HAO2: variants seen among roughly 807,000 people sequenced by gnomAD.
HAO2 encodes hydroxyacid oxidase 2, also known as 2-Hydroxyacid oxidase 2.
HAO2 carries 42 observed loss-of-function variants against 37.4 expected under a neutral mutation model. That is an observed-to-expected ratio of 1.12 (90% CI 0.88 to 1.45). The LOEUF (loss-of-function observed/expected upper bound fraction) is 1.45. Among genes scored for constraint, HAO2 ranks in the 40% most tolerant of loss-of-function variants. The pLI is 0.00. For synonymous variants in HAO2, 180 were observed against 162.8 expected, an observed-to-expected ratio of 1.11 and a Z score of -0.81; for missense variants, 476 against 430.2, an observed-to-expected ratio of 1.11 and a Z score of -0.94.
At chr1:119,389,177 T>TA in intron 5 of HAO2, among the ~76,000 whole-genome samples, 1 of 100,186 alleles carries the variant, frequency 1.0e-5, no homozygotes, top group African/African-American at 3.8e-5. Context: ...TACACCACAG[T>TA]TTCTTTATCC....
At chr1:119,376,869 C>T (rs1407419223) in intron 1 of HAO2, among the ~76,000 whole-genome samples, 3 of 152,180 alleles carry the variant, frequency 2.0e-5, no homozygotes, top group Non-Finnish European at 4.4e-5. Flanking sequence ...CAGCAAGGCC[C>T]TGGTGCCCTG....
intron 5 of HAO2, 80 bp from the exon 6 acceptor site, chr1:119,392,030 T>A (rs1459014199): frequency 7.6e-7 from 1 of 1,319,906 alleles, no homozygotes; most frequent in African/African-American, 1.5e-5. Flanking sequence ...TCAGCTTGGT[T>A]TTCCTGGTCA....
rs1400358893 is a variant in HAO2, at chr1:119,394,039, C to A, written c.*199C>A. 2.2e-6 allele frequency: 3 copies of A among 1,389,816 alleles called. No homozygotes were observed. Among genetic ancestry groups the A allele is most frequent in the Non-Finnish European group, 1.9e-6 (2 of 1,066,688 alleles). The allele number at this position is 1,389,816 out of a possible 1,614,324, so 86.1% of individuals were successfully genotyped here. On this transcript the variant is annotated 3_prime_UTR_variant, in exon 8 of 8. Transcript: ENST00000325945. ...TGTTCCCCAAATGTTCCATGCCCTT[C>A]TTTGTATCACTGACTATTATATGTT...
At chr1:119,370,684 C>T (rs1172115703) in intron 1 of HAO2, among the ~76,000 whole-genome samples, 2 of 152,188 alleles carry the variant, frequency 1.3e-5, no homozygotes, top group Admixed American at 1.3e-4. Context: ...CTTCTCTACT[C>T]CACTGACTCC....
chr1:119,384,039 G>A (rs1164076079), intron 3 of HAO2, among the ~76,000 whole-genome samples: 1 of 152,130 alleles, frequency 6.6e-6, no homozygotes, highest in Non-Finnish European at 1.5e-5. Context: ...CAAATTCTCT[G>A]CCCATGAGTT....
chr1:119,371,834 C>A (rs1649046476), intron 1 of HAO2, among the ~76,000 whole-genome samples: 1 of 152,160 alleles, frequency 6.6e-6, no homozygotes, highest in Non-Finnish European at 1.5e-5. Flanking sequence ...TATTAAGGAA[C>A]CATCATGCTG....
chr1:119,369,627 C>G (rs2101153791), intron 1 of HAO2, among the ~76,000 whole-genome samples: 1 of 152,274 alleles, frequency 6.6e-6, no homozygotes, highest in East Asian at 1.9e-4. Flanking sequence ...CACAAGATCC[C>G]TATGAGATAG....
At chr1:119,393,207 C>T (rs587677134) in intron 7 of HAO2, among the ~76,000 whole-genome samples, 73 of 152,266 alleles carry the variant, frequency 4.8e-4, no homozygotes, top group African/African-American at 1.6e-3. Context: ...CTCAAGCCCA[C>T]AACTCCCCAG....
chr1:119,376,217 G>A (rs1649454938), intron 1 of HAO2, among the ~76,000 whole-genome samples: 1 of 152,152 alleles, frequency 6.6e-6, no homozygotes, highest in Admixed American at 6.5e-5. Context: ...CATTCCAAAT[G>A]GGAGAAATTA....
intron 3 of HAO2, among the ~76,000 whole-genome samples, chr1:119,383,627 A>G (rs765473406): frequency 1.3e-5 from 2 of 152,060 alleles, no homozygotes; most frequent in Admixed American, 1.3e-4. Flanking sequence ...TTCTCATCCC[A>G]CATTCTCCAC....
rs116678357 is a variant in HAO2 at position 119,376,694 on chromosome 1, T to A, written c.-8-4384T>A. 8.6e-3 allele frequency among the ~76,000 whole-genome samples: 1,308 copies of A among 152,322 alleles called. 20 individuals carry two copies. The highest frequency in any genetic ancestry group is 0.029 in the African/African-American group (1,217 of 41,570). On this transcript the variant is annotated intron_variant, in intron 1 of 7. Coordinates refer to ENST00000325945, the MANE Select transcript of HAO2 (RefSeq NM_016527.4). ...CATCCTCTGAAATCTAGGCAGAACT[T>A]CCCAAATCTCAGTTCTTATCTTCTG...
At chr1:119,372,430 T>C (rs1649109524) in intron 1 of HAO2, among the ~76,000 whole-genome samples, 1 of 152,212 alleles carries the variant, frequency 6.6e-6, no homozygotes, top group Non-Finnish European at 1.5e-5. Context: ...CATAAGGGAC[T>C]ACATAGCACA....
At chr1:119,371,003 A>C (rs1243892576) in intron 1 of HAO2, among the ~76,000 whole-genome samples, 1 of 152,180 alleles carries the variant, frequency 6.6e-6, no homozygotes, top group African/African-American at 2.4e-5. Context: ...TGCACATTCT[A>C]TCCTTGTTGA....
At chr1:119,369,448 A>G (rs1226889595) in intron 1 of HAO2, among the ~76,000 whole-genome samples, 1 of 152,210 alleles carries the variant, frequency 6.6e-6, no homozygotes, top group African/African-American at 2.4e-5. Context: ...CTACAGATCA[A>G]CCTGCGGAGA....
chr1:119,380,370 A>T (rs1173904516), intron 1 of HAO2: 2 of 307,598 alleles, frequency 6.5e-6, no homozygotes, highest in Non-Finnish European at 1.2e-5. Context: ...CAGGTACCCA[A>T]ATTAGCAAAA....
At chr1:119,387,076 T>A (rs1201707896) in intron 5 of HAO2, among the ~76,000 whole-genome samples, 1 of 152,172 alleles carries the variant, frequency 6.6e-6, no homozygotes, top group Non-Finnish European at 1.5e-5. Context: ...GCAAGATGGG[T>A]GTTATTATCC....
intron 1 of HAO2, among the ~76,000 whole-genome samples, chr1:119,373,635 G>A (rs925341070): frequency 4.6e-5 from 7 of 152,178 alleles, no homozygotes; most frequent in East Asian, 1.9e-4. Context: ...GCCCCACCAC[G>A]GCAAATCTCA....
intron 5 of HAO2, among the ~76,000 whole-genome samples, chr1:119,388,405 C>G: frequency 6.6e-6 from 1 of 152,152 alleles, no homozygotes; most frequent in South Asian, 2.1e-4. Context: ...AATGAGTAGA[C>G]AAAGAGGAAG....
At chr1:119,382,816 T>G in intron 2 of HAO2, 99 bp from the exon 3 acceptor site, 1 of 1,140,200 alleles carries the variant, frequency 8.8e-7, no homozygotes, top group Non-Finnish European at 1.3e-6. Context: ...CCTGTCTGGT[T>G]TAGACTTGTA....
Sources: gnomAD v4.1 joint callset for allele counts (sites outside exome capture counted in the v4.1 genomes callset) on GRCh38, gnomAD v4.1.1 for gene constraint, MANE v1.5 for transcripts, NCBI Gene and HGNC (gene_info 2026-07-23, HGNC 2026-07-21) for gene names.